Variants in NCOR2 observed in about 807,000 individuals in gnomAD.
NCOR2 encodes nuclear receptor corepressor 2.
In NCOR2, 81 loss-of-function variants were observed where a neutral mutation model predicts 262.9. The ratio of observed to expected loss-of-function variants is 0.31; its 90% confidence interval spans 0.26 to 0.37. NCOR2 has a LOEUF of 0.37. Among genes scored for constraint, NCOR2 ranks in the 10% least tolerant of loss-of-function variants. The pLI, the probability that NCOR2 is intolerant of heterozygous loss-of-function variation, is 1.00. For synonymous variants in NCOR2, 1,659 were observed against 1,559.3 expected (o/e 1.06, Z -1.51); for missense variants, 3,385 against 3,621.4 (o/e 0.93, Z 1.68).
At chr12:124,393,513 C>T (rs1352052810) in intron 16 of NCOR2, among the ~76,000 whole-genome samples, 1 of 152,240 alleles carries the variant, frequency 6.6e-6, no homozygotes, top group Non-Finnish European at 1.5e-5. Flanking sequence ...CTCCCGGTGG[C>T]CCCTCTACCT....
rs539393120 is a variant in NCOR2, at chr12:124,419,830, G to A, written c.1482+127C>T. 791 of 834,700 alleles carry A rather than the reference G, an allele frequency of 9.5e-4. 13 individuals are homozygous for A. The South Asian group carries it at 0.011, about 12-fold the overall frequency. The allele number at this position is 834,700 out of a possible 1,614,324, so 51.7% of individuals were successfully genotyped here. A position where few individuals can be genotyped will look rare whatever the true frequency, so the allele number is the denominator to read the frequency against. ...GAGGGGAGCCTGCACTCACACTGCCGGTGGCCAAGCAACAACAACTCATGG... is the reference window on the plus strand; with the variant it reads ...GAGGGGAGCCTGCACTCACACTGCCAGTGGCCAAGCAACAACAACTCATGG... On this transcript the variant is annotated intron_variant, in intron 13 of 46. Coordinates refer to ENST00000405201, the Ensembl canonical transcript of NCOR2.
chr12:124,342,944 G>C (rs1299950087), intron 33 of NCOR2, 61 bp downstream of exon 35: 4 of 1,568,266 alleles, frequency 2.6e-6, no homozygotes, highest in African/African-American at 2.7e-5. Flanking sequence ...AGCGAACACT[G>C]ATGAGGTCCG....
chr12:124,532,729 C>G (rs993249749), intron 1 of NCOR2, among the ~76,000 whole-genome samples: 3 of 152,128 alleles, frequency 2.0e-5, no homozygotes, highest in African/African-American at 7.2e-5. Flanking sequence ...GGACGGGGGA[C>G]AGAGAGGCAG....
At chr12:124,359,353 C>T (rs566658812) in intron 22 of NCOR2, among the ~76,000 whole-genome samples, 15 of 152,306 alleles carry the variant, frequency 9.8e-5, no homozygotes, top group East Asian at 7.7e-4. Context: ...GGTGTGACAG[C>T]GGAGGAGAGT....
rs183742934 is a variant in NCOR2 at position 124,517,138 on chromosome 12, A to C, written c.-118+18427T>G. ...TGTGCCCCATTTTACAGACGAGGAA[A>C]CTGAGGTCTGCAAAGGGGAGGCAAC... is the stretch of plus-strand genomic sequence containing the variant. On this transcript the variant is annotated intron_variant, in intron 1 of 46. Coordinates refer to the NCOR2 transcript ENST00000404621. This position sits in a 1 kb window ranked among gnomAD's most constrained non-coding sequence, Gnocchi z 7.6. 2.6e-3 allele frequency among the ~76,000 whole-genome samples: 388 copies of C among 152,152 alleles called. No homozygotes were observed. The highest frequency in any genetic ancestry group is 8.8e-3 in the African/African-American group (366 of 41,482).
intron 8 of NCOR2, among the ~76,000 whole-genome samples, chr12:124,431,104 GAC>G (rs2043889644): frequency 6.9e-6 from 1 of 145,694 alleles, no homozygotes; most frequent in Non-Finnish European, 1.5e-5. Context: ...CATACAGTCA[GAC>G]AGATATACAC....
intron 14 of NCOR2, among the ~76,000 whole-genome samples, chr12:124,400,923 G>A (rs184488382): frequency 2.6e-5 from 4 of 152,310 alleles, no homozygotes; most frequent in South Asian, 2.1e-4. Flanking sequence ...AGGGAGTTGC[G>A]GCCAGGTGTG....
rs558426563 is a variant in NCOR2, at chr12:124,556,878, T to C, written c.-165+10430A>G. Among the ~76,000 whole-genome samples the C allele has an allele frequency of 3.7e-3, 529 of 142,648 alleles. 1 individual carries two copies. The highest frequency in any genetic ancestry group is 8.5e-3 in the Admixed American group (122 of 14,272). 93.6% of individuals were successfully genotyped at this position (142,648 alleles called of 152,430 possible). A position where few individuals can be genotyped will look rare whatever the true frequency, so the allele number is the denominator to read the frequency against. Reference sequence around the variant, plus strand: ...AAAAAAAAAAAAAATCCGAGAAAAATGGCAAAGGAATGAGACGAGGCCTGC... The same window carrying C: ...AAAAAAAAAAAAAATCCGAGAAAAACGGCAAAGGAATGAGACGAGGCCTGC... On this transcript the variant is annotated intron_variant, in intron 1 of 32. Coordinates refer to the NCOR2 transcript ENST00000458234.
At position 124,369,533 on chromosome 12, in the gene NCOR2, T is replaced by C. The variant is rs146374084; in HGVS notation, c.2807+2489A>G. Among the ~76,000 whole-genome samples, 3 of 151,654 alleles carry C rather than the reference T, an allele frequency of 2.0e-5. No individual in the cohort carries two copies. In the East Asian group the frequency reaches 5.9e-4, roughly 30 times the overall value. On this transcript the variant is annotated intron_variant, in intron 20 of 46. Transcript: ENST00000405201. ...GGCTGCCAGGGCCTACTCTGACGCA[T>C]CTCGTCCGCGTCCTCCAGCGTCCGC...
At chr12:124,413,880 A>T (rs1430805708) in intron 13 of NCOR2, among the ~76,000 whole-genome samples, 1 of 152,070 alleles carries the variant, frequency 6.6e-6, no homozygotes, top group African/African-American at 2.4e-5. Context: ...TGAGGGACAC[A>T]TGGCAGGGGA....
chr12:124,400,514 C>G (rs531851112), exon 15 of NCOR2: 1 of 1,613,780 alleles, frequency 6.2e-7, no homozygotes, highest in Non-Finnish European at 8.5e-7. Flanking sequence ...GCTCGGCGCT[C>G]TGCTGGGGGG....
chr12:124,486,867 TC>T (rs1404785617), intron 1 of NCOR2, among the ~76,000 whole-genome samples: 6 of 151,964 alleles, frequency 3.9e-5, no homozygotes, highest in Non-Finnish European at 8.8e-5. Context: ...GCCTGGGAGG[TC>T]TGATGGGGCT....
chr12:124,354,285 C>T, intron 26 of NCOR2, 89 bp from the exon 29 acceptor site: 1 of 1,348,070 alleles, frequency 7.4e-7, no homozygotes, highest in Non-Finnish European at 1.0e-6. Context: ...GACTGAGAGA[C>T]CCACAAGTTG....
intron 22 of NCOR2, among the ~76,000 whole-genome samples, chr12:124,357,748 TTG>T (rs1306319880): frequency 6.6e-6 from 1 of 152,236 alleles, no homozygotes; most frequent in Non-Finnish European, 1.5e-5. Context: ...CAGGAAAAGC[TTG>T]CTGGCCTGTG....
chr12:124,486,760 G>C (rs1383301148), intron 1 of NCOR2, among the ~76,000 whole-genome samples, 192 bp from the exon 4 acceptor site: 1 of 152,220 alleles, frequency 6.6e-6, no homozygotes, highest in Non-Finnish European at 1.5e-5. Context: ...ACACCAAGGA[G>C]GAGAAAGAAC....
intron 13 of NCOR2, among the ~76,000 whole-genome samples, chr12:124,413,562 G>A (rs1272904385): frequency 2.6e-5 from 4 of 152,128 alleles, no homozygotes; most frequent in Non-Finnish European, 5.9e-5. Context: ...GAGGCCACTC[G>A]TGCCTGTCTT....
chr12:124,417,215 C>T (rs1218109726), intron 13 of NCOR2, among the ~76,000 whole-genome samples: 3 of 151,502 alleles, frequency 2.0e-5, no homozygotes, highest in African/African-American at 7.3e-5. Flanking sequence ...GACAGCAGGC[C>T]GGACACTCAC....
intron 1 of NCOR2, 147 bp downstream of exon 3, chr12:124,495,000 G>A (rs1293269841): frequency 3.1e-5 from 28 of 903,956 alleles, no homozygotes; most frequent in Non-Finnish European, 4.4e-5. Flanking sequence ...CAGACACCAG[G>A]GGTCTCTGTG....
At chr12:124,347,838 C>G (rs1311900788) in exon 30 of NCOR2, 24 of 1,565,448 alleles carry the variant, frequency 1.5e-5, no homozygotes, top group Non-Finnish European at 2.0e-5. Context: ...GTGTGATGGA[C>G]CCGCGGATGT....
Sources: gnomAD v4.1 joint callset for allele counts (sites outside exome capture counted in the v4.1 genomes callset) on GRCh38, gnomAD v4.1.1 for gene constraint, Gnocchi (gnomAD v3.1) non-coding constraint, MANE v1.5 for transcripts, NCBI Gene and HGNC (gene_info 2026-07-23, HGNC 2026-07-21) for gene names.